ITGA8: variants seen among roughly 807,000 people sequenced by gnomAD.
The protein encoded by ITGA8 is integrin alpha-8.
In ITGA8, 91 loss-of-function variants were observed where a neutral mutation model predicts 142.3. The observed-to-expected ratio is 0.64, with a 90% CI of 0.54 to 0.76. The LOEUF (loss-of-function observed/expected upper bound fraction) is 0.76. Among genes scored for constraint, ITGA8 ranks in the 30% least tolerant of loss-of-function variants. ITGA8 has a pLI of 0.00. For synonymous variants in ITGA8, 505 were observed against 485.2 expected, an observed-to-expected ratio of 1.04 and a Z score of -0.54; for missense variants, 1,406 against 1,327.7, an observed-to-expected ratio of 1.06 and a Z score of -0.92.
chr10:15,583,782 T>C (rs913060701), intron 23 of ITGA8, among the ~76,000 whole-genome samples: 1 of 152,188 alleles, frequency 6.6e-6, no homozygotes, highest in Admixed American at 6.5e-5. Flanking sequence ...TATGTTCTTT[T>C]GATGTCATAA....
Position 15,597,201 on chromosome 10 carries a change from T to C in ITGA8, c.2211+6A>G, listed in dbSNP as rs778774264. On this transcript the variant is annotated splice_donor_region_variant and intron_variant, in intron 21 of 29. Coordinates refer to ENST00000378076, the MANE Select transcript of ITGA8 (RefSeq NM_003638.3). ...AAATCAGTCAGTATTTCTGGTTCTC[T>C]CTTACATTTGTTCCAGACACCATAG... The C allele has an allele frequency of 6.2e-7, 1 of 1,606,714 alleles. No individual in the cohort carries two copies. The highest frequency in any genetic ancestry group is 2.2e-5 in the East Asian group (1 of 44,852).
At chr10:15,560,346 G>A (rs900928932) in intron 25 of ITGA8, among the ~76,000 whole-genome samples, 2 of 152,122 alleles carry the variant, frequency 1.3e-5, no homozygotes, top group Non-Finnish European at 2.9e-5. Flanking sequence ...GATTGGTGGA[G>A]GTGGAAATTT....
intron 6 of ITGA8, among the ~76,000 whole-genome samples, chr10:15,674,053 C>A (rs189268662): frequency 1.3e-5 from 2 of 152,176 alleles, no homozygotes; most frequent in African/African-American, 2.4e-5. Flanking sequence ...TTTGGGAATT[C>A]ACACAAAATT....
intron 24 of ITGA8, among the ~76,000 whole-genome samples, chr10:15,574,445 C>T (rs1238817526): frequency 6.6e-6 from 1 of 152,154 alleles, no homozygotes; most frequent in African/African-American, 2.4e-5. Flanking sequence ...GGCTGGAGTG[C>T]GGTGGCACGA....
chr10:15,679,065 G>T (rs370520065), intron 4 of ITGA8, among the ~76,000 whole-genome samples: 2 of 152,174 alleles, frequency 1.3e-5, no homozygotes, highest in Middle Eastern at 3.4e-3. Context: ...TTCATTTGAA[G>T]AAATAAAATC....
chr10:15,701,931 C>A (rs1835172377), intron 2 of ITGA8, among the ~76,000 whole-genome samples: 2 of 152,148 alleles, frequency 1.3e-5, no homozygotes, highest in African/African-American at 4.8e-5. Context: ...AATGATGCAT[C>A]TGAGAACAGG....
intron 13 of ITGA8, among the ~76,000 whole-genome samples, chr10:15,630,448 TCAA>T (rs2131633229): frequency 1.3e-5 from 2 of 152,192 alleles, no homozygotes; most frequent in East Asian, 3.9e-4. Flanking sequence ...ACTCCCAGTC[TCAA>T]CTAATACAGT....
intron 11 of ITGA8, among the ~76,000 whole-genome samples, chr10:15,652,534 G>A (rs1221660589): frequency 6.6e-6 from 1 of 151,572 alleles, no homozygotes; most frequent in Non-Finnish European, 1.5e-5. Context: ...TGGACGGCAT[G>A]CTATGTCTGG....
intron 3 of ITGA8, among the ~76,000 whole-genome samples, chr10:15,685,920 A>G (rs1834826624): frequency 6.6e-6 from 1 of 152,212 alleles, no homozygotes; most frequent in Non-Finnish European, 1.5e-5. Context: ...AGTAAATGAA[A>G]TAACATTTTG....
At chr10:15,670,451 A>T (rs1328074507) in intron 8 of ITGA8, among the ~76,000 whole-genome samples, 1 of 152,220 alleles carries the variant, frequency 6.6e-6, no homozygotes, top group Non-Finnish European at 1.5e-5. Flanking sequence ...ACCTACGTGG[A>T]TCTTGACTCC....
At position 15,719,819 on chromosome 10, in the gene ITGA8, G is replaced by T. The variant is rs1835529703; in HGVS notation, c.-48C>A. On this transcript the variant is annotated 5_prime_UTR_variant, in exon 1 of 30. Transcript: ENST00000378076. ...CTGCTACCCAGGAGCGCGAGCCGAG[G>T]ACCCCTGCGGGGCAAGGGGGGCTGG... The T allele has an allele frequency of 7.8e-7, 1 of 1,284,706 alleles. No homozygotes were observed. The highest frequency in any genetic ancestry group is 9.9e-7 in the Non-Finnish European group (1 of 1,012,034). 79.6% of individuals were successfully genotyped at this position (1,284,706 alleles called of 1,614,324 possible).
intron 9 of ITGA8, among the ~76,000 whole-genome samples, chr10:15,659,867 G>A (rs1428534088): frequency 6.6e-6 from 1 of 152,130 alleles, no homozygotes; most frequent in Non-Finnish European, 1.5e-5. Context: ...GGGCTGGAAG[G>A]GGGCACAGAG....
chr10:15,620,250 A>C (rs952092776), intron 13 of ITGA8, among the ~76,000 whole-genome samples: 11 of 152,304 alleles, frequency 7.2e-5, no homozygotes, highest in African/African-American at 2.6e-4. Flanking sequence ...AAACCGACTA[A>C]TGTCAACTGC....
At chr10:15,543,866 A>G (rs1833620096) in intron 27 of ITGA8, among the ~76,000 whole-genome samples, 1 of 152,182 alleles carries the variant, frequency 6.6e-6, no homozygotes, top group South Asian at 2.1e-4. Context: ...TGGGCTCTAA[A>G]TCCAGTGAGC....
At chr10:15,666,558 GA>G (rs1834396990) in intron 8 of ITGA8, among the ~76,000 whole-genome samples, 1 of 152,122 alleles carries the variant, frequency 6.6e-6, no homozygotes, top group South Asian at 2.1e-4. Context: ...ACACTATGTT[GA>G]ATAGGAGTGA....
intron 26 of ITGA8, among the ~76,000 whole-genome samples, chr10:15,551,629 A>AT (rs964562440): frequency 1.1e-4 from 17 of 152,224 alleles, no homozygotes; most frequent in African/African-American, 3.6e-4. Context: ...TTAGATACAA[A>AT]TTTTTCCTGT....
chr10:15,703,726 T>C (rs1835207365), intron 2 of ITGA8, among the ~76,000 whole-genome samples: 1 of 152,148 alleles, frequency 6.6e-6, no homozygotes, highest in Non-Finnish European at 1.5e-5. Context: ...CAGTTTTTTC[T>C]CTCATCTGTC....
chr10:15,597,333 A>G (rs781569847), intron 20 of ITGA8, 34 bp from the exon 21 acceptor site: 10 of 1,544,816 alleles, frequency 6.5e-6, no homozygotes, highest in Non-Finnish European at 9.0e-6. Context: ...TTTAGGGGGC[A>G]GGATAAATGA....
chr10:15,557,059 A>G (rs553391130), intron 26 of ITGA8, among the ~76,000 whole-genome samples: 1 of 152,274 alleles, frequency 6.6e-6, no homozygotes, highest in South Asian at 2.1e-4. Flanking sequence ...AGCTGCCGCA[A>G]TAGGATGAGT....
Sources: allele counts gnomAD v4.1 joint callset (sites outside exome capture counted in the v4.1 genomes callset), GRCh38; gene constraint gnomAD v4.1.1; transcripts MANE v1.5; gene names NCBI Gene and HGNC (gene_info 2026-07-23, HGNC 2026-07-21).